CDKAL1: variants seen among roughly 807,000 people sequenced by gnomAD.
CDKAL1 encodes threonylcarbamoyladenosine tRNA methylthiotransferase.
In CDKAL1, 32 loss-of-function variants were observed where a neutral mutation model predicts 68.2. That is an observed-to-expected ratio of 0.47 (90% CI 0.35 to 0.63). The LOEUF is 0.63. Ranked by LOEUF, CDKAL1 falls within the 30% of genes least tolerant of loss-of-function variation. CDKAL1 has a pLI of 0.00. For synonymous variants in CDKAL1, 234 were observed against 244.3 expected, an observed-to-expected ratio of 0.96 and a Z score of 0.39; for missense variants, 606 against 696.7, an observed-to-expected ratio of 0.87 and a Z score of 1.47.
chr6:20,724,071 T>G lies in CDKAL1; in HGVS notation c.372-15448T>G, dbSNP rs938315463. Among the ~76,000 whole-genome samples the G allele has an allele frequency of 2.0e-5, 3 of 151,976 alleles. No individual in the cohort carries two copies. In the East Asian group the frequency reaches 5.8e-4, roughly 29 times the overall value. On this transcript the variant is annotated intron_variant, in intron 5 of 15. Transcript: ENST00000274695. ...CCTCAGCCTCCCGAGTAGCTGGGAG[T>G]ACAAGCATGTGCCACCACACCTGGA...
chr6:20,540,829 T>G (rs1365656708), intron 2 of CDKAL1, among the ~76,000 whole-genome samples: 1 of 152,220 alleles, frequency 6.6e-6, no homozygotes, highest in East Asian at 1.9e-4. Context: ...GTTGAACGTC[T>G]GAGTCTGAAG....
chr6:21,225,553 C>T (rs541420528), intron 15 of CDKAL1, among the ~76,000 whole-genome samples: 31 of 152,216 alleles, frequency 2.0e-4, no homozygotes, highest in African/African-American at 5.8e-4. Flanking sequence ...GCACTCTGCC[C>T]GGCTGTGGGC....
intron 14 of CDKAL1, among the ~76,000 whole-genome samples, chr6:21,200,502 C>G (rs888516467): frequency 6.6e-6 from 1 of 152,210 alleles, no homozygotes; most frequent in Non-Finnish European, 1.5e-5. Flanking sequence ...TGCACGGACA[C>G]AAACACGCAG....
intron 11 of CDKAL1, among the ~76,000 whole-genome samples, chr6:21,063,814 T>G (rs1010863064): frequency 3.3e-5 from 5 of 152,070 alleles, no homozygotes; most frequent in African/African-American, 1.2e-4. Flanking sequence ...AGCTAAGAGA[T>G]CAACCCAGTG....
chr6:21,066,650 A>G (rs1771459504), intron 12 of CDKAL1, among the ~76,000 whole-genome samples: 1 of 152,092 alleles, frequency 6.6e-6, no homozygotes, highest in African/African-American at 2.4e-5. Flanking sequence ...CAGACAGGGT[A>G]TCGCTCTGTT....
intron 7 of CDKAL1, among the ~76,000 whole-genome samples, chr6:20,763,358 C>G (rs1774552447): frequency 6.6e-6 from 1 of 152,160 alleles, no homozygotes; most frequent in South Asian, 2.1e-4. Flanking sequence ...CCCGTTGTTG[C>G]TAGCCTCAGA....
intron 13 of CDKAL1, among the ~76,000 whole-genome samples, chr6:21,162,438 G>T (rs986094282): frequency 9.9e-5 from 15 of 152,134 alleles, no homozygotes; most frequent in African/African-American, 2.9e-4. Flanking sequence ...GGTAAATGGG[G>T]CATTGAACTC....
At chr6:21,102,651 T>C (rs906202651) in intron 12 of CDKAL1, among the ~76,000 whole-genome samples, 5 of 152,242 alleles carry the variant, frequency 3.3e-5, no homozygotes, top group African/African-American at 1.2e-4. Flanking sequence ...CTACTGAGTG[T>C]CTGTTTCTGT....
At chr6:21,162,277 G>A (rs992674782) in intron 13 of CDKAL1, among the ~76,000 whole-genome samples, 1 of 152,206 alleles carries the variant, frequency 6.6e-6, no homozygotes, top group African/African-American at 2.4e-5. Flanking sequence ...ACATTGAACA[G>A]CCATCTTCTG....
At chr6:20,883,766 C>T (rs757605881) in intron 9 of CDKAL1, among the ~76,000 whole-genome samples, 2 of 152,052 alleles carry the variant, frequency 1.3e-5, no homozygotes, top group African/African-American at 2.4e-5. Flanking sequence ...AAAATTATTT[C>T]AACTTTTTCT....
rs1406140129 is a variant in CDKAL1 at position 21,102,660 on chromosome 6, G to A, written c.1237-5741G>A. On this transcript the variant is annotated intron_variant, in intron 12 of 15. Transcript: ENST00000274695. ...TAACTTCTACTGAGTGTCTGTTTCTGTCGTGTAAACCAGTCCTGGAGCCCT... is the reference window on the plus strand; with the variant it reads ...TAACTTCTACTGAGTGTCTGTTTCTATCGTGTAAACCAGTCCTGGAGCCCT... 2.0e-5 allele frequency among the ~76,000 whole-genome samples: 3 copies of A among 152,094 alleles called. No homozygotes were observed. The East Asian group carries it at 5.8e-4, about 29-fold the overall frequency.
intron 11 of CDKAL1, among the ~76,000 whole-genome samples, chr6:21,029,771 C>A (rs989903916): frequency 1.3e-5 from 2 of 152,066 alleles, no homozygotes; most frequent in Non-Finnish European, 1.5e-5. Flanking sequence ...ATCAAAACCA[C>A]AGTGACATAG....
chr6:20,870,123 A>G (rs892388025), intron 9 of CDKAL1, among the ~76,000 whole-genome samples: 1 of 152,172 alleles, frequency 6.6e-6, no homozygotes, highest in Non-Finnish European at 1.5e-5. Context: ...AGAAAAACCT[A>G]TTCGCTTCTT....
At chr6:20,548,554 A>G (rs751415014) in intron 3 of CDKAL1, 39 bp from the exon 4 acceptor site, 4 of 961,178 alleles carry the variant, frequency 4.2e-6, no homozygotes, top group South Asian at 1.4e-5. Flanking sequence ...AAATCACTCA[A>G]TGAAACTTAC....
chr6:21,173,422 A>G (rs9460605), intron 13 of CDKAL1, among the ~76,000 whole-genome samples: 33,146 of 152,066 alleles, frequency 0.22, 3,937 homozygotes, highest in African/African-American at 0.3. Flanking sequence ...CATATGTGCT[A>G]TTTTTATAAG....
At chr6:21,019,295 C>A (rs566226478) in intron 11 of CDKAL1, among the ~76,000 whole-genome samples, 1 of 152,100 alleles carries the variant, frequency 6.6e-6, no homozygotes, top group African/African-American at 2.4e-5. Flanking sequence ...GTTTTTTAAG[C>A]TAGCTGATTT....
chr6:20,692,464 A>T (rs1282300580), intron 5 of CDKAL1, among the ~76,000 whole-genome samples: 1 of 152,198 alleles, frequency 6.6e-6, no homozygotes, highest in Non-Finnish European at 1.5e-5. Context: ...ATGCTTTGAC[A>T]ATAATGTTTA....
At chr6:21,089,932 A>G (rs1772909150) in intron 12 of CDKAL1, among the ~76,000 whole-genome samples, 1 of 152,216 alleles carries the variant, frequency 6.6e-6, no homozygotes, top group Non-Finnish European at 1.5e-5. Flanking sequence ...TAAAATAGGA[A>G]GTTACGTATG....
intron 13 of CDKAL1, among the ~76,000 whole-genome samples, chr6:21,167,847 T>C (rs1465121702): frequency 4.6e-5 from 7 of 152,242 alleles, no homozygotes; most frequent in Non-Finnish European, 8.8e-5. Flanking sequence ...CAGCTGATGT[T>C]ATAATCTATG....
Sources: allele counts gnomAD v4.1 joint callset (sites outside exome capture counted in the v4.1 genomes callset), GRCh38; gene constraint gnomAD v4.1.1; transcripts MANE v1.5; gene names NCBI Gene and HGNC (gene_info 2026-07-23, HGNC 2026-07-21).